Variants in ELP4 observed in about 807,000 individuals in gnomAD.
The protein encoded by ELP4 is elongator complex protein 4.
Under a neutral mutation model 48.9 loss-of-function variants are expected in ELP4, and 51 were observed. That is an observed-to-expected ratio of 1.04 (90% CI 0.83 to 1.32). The LOEUF (loss-of-function observed/expected upper bound fraction) is 1.32, where lower values mean the gene tolerates loss of function less well. ELP4 is among the 40% of genes most tolerant of loss of function. The pLI is 0.00. For missense variants in ELP4, 519 were observed against 514.6 expected (o/e 1.01, Z -0.08); for synonymous variants, 210 against 189.2 (o/e 1.11, Z -0.90).
At chr11:31,547,937 C>T (rs1327697178) in intron 3 of ELP4, among the ~76,000 whole-genome samples, 1 of 152,074 alleles carries the variant, frequency 6.6e-6, no homozygotes, top group African/African-American at 2.4e-5. Flanking sequence ...AATTCAACAA[C>T]CCTTCATGCT....
intron 9 of ELP4, among the ~76,000 whole-genome samples, chr11:31,668,409 T>C (rs1166169884): frequency 6.6e-6 from 1 of 151,982 alleles, no homozygotes; most frequent in East Asian, 1.9e-4. Context: ...CTATTTTTAA[T>C]AAAATGATTG....
intron 5 of ELP4, among the ~76,000 whole-genome samples, chr11:31,614,579 T>C (rs1392806453): frequency 2.0e-5 from 3 of 152,164 alleles, no homozygotes; most frequent in African/African-American, 2.4e-5. Flanking sequence ...AAAATACTTA[T>C]TAACTACAAA....
At chr11:31,579,294 G>T (rs922719180) in intron 3 of ELP4, among the ~76,000 whole-genome samples, 1 of 152,188 alleles carries the variant, frequency 6.6e-6, no homozygotes, top group Non-Finnish European at 1.5e-5. Flanking sequence ...AACAGGTGCT[G>T]GAGAGGATGT....
intron 9 of ELP4, among the ~76,000 whole-genome samples, chr11:31,683,996 C>T (rs114008010): frequency 1.3e-5 from 2 of 152,210 alleles, no homozygotes; most frequent in African/African-American, 2.4e-5. Flanking sequence ...ATGCATGAGG[C>T]TAGGGTATTC....
In ELP4 at chr11:31,789,587, A is replaced by G. The variant is rs1475869810; in HGVS notation, c.*6063A>G. The stretch of plus-strand genomic sequence containing the variant: ...TCATGGTTTTCTTTTTAAAAAAAAA[A>G]AAAACAACTTCATGACCAACACAGA... On this transcript the variant is annotated 3_prime_UTR_variant, in exon 10 of 10. Transcript: ENST00000640961. 1 of 606,836 alleles carries G rather than the reference A, an allele frequency of 1.6e-6. No homozygotes were observed. The highest frequency in any genetic ancestry group is 3.3e-4 in the Middle Eastern group (1 of 3,018). 37.6% of individuals were successfully genotyped at this position (606,836 alleles called of 1,614,324 possible). A position where few individuals can be genotyped will look rare whatever the true frequency, so the allele number is the denominator to read the frequency against.
intron 9 of ELP4, among the ~76,000 whole-genome samples, chr11:31,725,095 C>G (rs576626790): frequency 2.0e-5 from 3 of 152,320 alleles, no homozygotes; most frequent in South Asian, 4.1e-4. Flanking sequence ...CAGCTGCCCT[C>G]TCAAGAGTCT....
At chr11:31,759,309 A>T (rs1187397625) in intron 9 of ELP4, among the ~76,000 whole-genome samples, 1 of 152,190 alleles carries the variant, frequency 6.6e-6, no homozygotes, top group Non-Finnish European at 1.5e-5. Flanking sequence ...CTTTGTCCTT[A>T]GGTGCCTTAA....
intron 1 of ELP4, among the ~76,000 whole-genome samples, chr11:31,519,563 G>A (rs899371943): frequency 7.9e-5 from 12 of 152,192 alleles, no homozygotes; most frequent in Non-Finnish European, 1.6e-4. Flanking sequence ...ACTGGCTCAC[G>A]CCTGTAATCC....
At chr11:31,664,146 G>T (rs1256732846) in intron 9 of ELP4, 1 of 152,034 alleles carries the variant, frequency 6.6e-6, no homozygotes, top group East Asian at 1.9e-4. Flanking sequence ...TGTTCTGTAT[G>T]ATTTTATAAT....
intron 5 of ELP4, among the ~76,000 whole-genome samples, chr11:31,611,484 A>C (rs534878693): frequency 6.6e-6 from 1 of 152,008 alleles, no homozygotes; most frequent in Non-Finnish European, 1.5e-5. Flanking sequence ...TCTGATCGCT[A>C]TCTCTCTCTC....
chr11:31,705,027 A>G (rs1172449812), intron 9 of ELP4, among the ~76,000 whole-genome samples: 2 of 151,838 alleles, frequency 1.3e-5, no homozygotes, highest in Non-Finnish European at 2.9e-5. Flanking sequence ...AAAAAAAATT[A>G]TATAGTATAT....
intron 3 of ELP4, among the ~76,000 whole-genome samples, chr11:31,565,944 A>T (rs530298693): frequency 6.6e-6 from 1 of 152,184 alleles, no homozygotes; most frequent in African/African-American, 2.4e-5. Flanking sequence ...ATGGCATTGG[A>T]TCTATAAATT....
chr11:31,577,670 A>G (rs934620361), intron 3 of ELP4, among the ~76,000 whole-genome samples: 3 of 152,204 alleles, frequency 2.0e-5, no homozygotes, highest in African/African-American at 4.8e-5. Flanking sequence ...AATCCATCGT[A>G]TAAACAGAAC....
At chr11:31,699,246 C>G (rs1191500619) in intron 9 of ELP4, among the ~76,000 whole-genome samples, 2 of 151,926 alleles carry the variant, frequency 1.3e-5, no homozygotes, top group African/African-American at 4.8e-5. Flanking sequence ...GATTGAGGCA[C>G]AGAAGGTATA....
rs538545395 is a variant in ELP4 at position 31,632,517 on chromosome 11, C to G, written c.927+112C>G. On this transcript the variant is annotated intron_variant, in intron 7 of 9. Transcript: ENST00000640961. ...ATGATGTTGACCATCTTTTCAGGTG[C>G]TTTCTGGCCATTTGCATGTCTTCTT... is the stretch of plus-strand genomic sequence containing the variant. 1.6e-5 allele frequency: 13 copies of G among 806,564 alleles called. No individual in the cohort carries two copies. In the South Asian group the frequency reaches 3.5e-4, roughly 22 times the overall value. 50.0% of individuals were successfully genotyped at this position (806,564 alleles called of 1,614,324 possible).
chr11:31,733,332 C>A (rs1474635225), intron 9 of ELP4, among the ~76,000 whole-genome samples: 6 of 151,726 alleles, frequency 4.0e-5, no homozygotes, highest in African/African-American at 1.5e-4. Flanking sequence ...AAAAGCCTAG[C>A]CAGGAGTGGT....
Position 31,786,957 on chromosome 11 carries a change from G to A in ELP4, c.*3433G>A, listed in dbSNP as rs192709453. On this transcript the variant is annotated 3_prime_UTR_variant, in exon 10 of 10. Coordinates refer to ENST00000640961, the MANE Select transcript of ELP4 (RefSeq NM_019040.5). ...GTCTTCACAAATAATCTCCATCCTG[G>A]AAGATGGTGTCAAAACATCCCTGCA... is the stretch of plus-strand genomic sequence containing the variant. 3.6e-5 allele frequency: 8 copies of A among 219,354 alleles called. No individual in the cohort carries two copies. The highest frequency in any genetic ancestry group is 6.7e-5 in the African/African-American group (3 of 44,564). 13.6% of individuals were successfully genotyped at this position (219,354 alleles called of 1,614,324 possible).
chr11:31,667,135 G>C (rs111597758), intron 9 of ELP4, among the ~76,000 whole-genome samples: 2 of 152,298 alleles, frequency 1.3e-5, no homozygotes, highest in Middle Eastern at 6.8e-3. Flanking sequence ...ATTTGCATCT[G>C]TCCTGGCTTG....
chr11:31,516,809 CT>C (rs1956121216), intron 1 of ELP4, among the ~76,000 whole-genome samples: 1 of 152,008 alleles, frequency 6.6e-6, no homozygotes, highest in East Asian at 1.9e-4. Context: ...TTTTTGATGG[CT>C]ATCATGATGT....
Sources: allele counts gnomAD v4.1 joint callset (sites outside exome capture counted in the v4.1 genomes callset), GRCh38; gene constraint gnomAD v4.1.1; transcripts MANE v1.5; gene names NCBI Gene and HGNC (gene_info 2026-07-23, HGNC 2026-07-21).